CAST: variants seen among roughly 807,000 people sequenced by gnomAD.
The protein encoded by CAST is calpastatin.
A neutral mutation model predicts 119.6 loss-of-function variants in CAST; 76 were observed. That is an observed-to-expected ratio of 0.64 (90% CI 0.53 to 0.77). CAST has a LOEUF of 0.77. Ranked by LOEUF, CAST falls within the 30% of genes least tolerant of loss-of-function variation. The pLI, the probability that CAST is intolerant of heterozygous loss-of-function variation, is 0.00. For synonymous variants in CAST, 319 were observed against 331.6 expected, an observed-to-expected ratio of 0.96 and a Z score of 0.41; for missense variants, 953 against 946.5, an observed-to-expected ratio of 1.01 and a Z score of -0.09.
the CAST span, among the ~76,000 whole-genome samples, chr5:96,334,311 A>G: frequency 1.3e-5 from 2 of 152,192 alleles, no homozygotes; most frequent in Non-Finnish European, 2.9e-5. Flanking sequence ...TATCACAGTC[A>G]CTGCTTAGTT....
At chr5:96,160,564 T>C in the CAST span, among the ~76,000 whole-genome samples, 1 of 152,252 alleles carries the variant, frequency 6.6e-6, no homozygotes, top group Admixed American at 6.5e-5. Flanking sequence ...ATACTGCTGC[T>C]GTAAACATTA....
At chr5:96,163,718 G>A in the CAST span, among the ~76,000 whole-genome samples, 2 of 152,148 alleles carry the variant, frequency 1.3e-5, no homozygotes, top group African/African-American at 4.8e-5. Context: ...AGTATTCATG[G>A]CCATTACTGG....
the CAST span, among the ~76,000 whole-genome samples, chr5:95,988,791 G>T: frequency 6.6e-5 from 10 of 152,228 alleles, no homozygotes; most frequent in South Asian, 8.3e-4. Context: ...AAACTCTTTA[G>T]AATAGAATCT....
At chr5:96,327,650 G>C in the CAST span, among the ~76,000 whole-genome samples, 1 of 152,188 alleles carries the variant, frequency 6.6e-6, no homozygotes, top group African/African-American at 2.4e-5. Flanking sequence ...GAGACATCTT[G>C]GGTTAGCACA....
the CAST span, among the ~76,000 whole-genome samples, chr5:96,302,261 A>G: frequency 6.6e-6 from 1 of 152,288 alleles, no homozygotes; most frequent in Middle Eastern, 3.4e-3. Flanking sequence ...GCTGCAAAGA[A>G]CAGCAGGGCA....
At chr5:96,091,727 A>C in the CAST span, among the ~76,000 whole-genome samples, 3 of 150,546 alleles carry the variant, frequency 2.0e-5, no homozygotes, top group South Asian at 6.3e-4. Context: ...ACTAGTCTCA[A>C]GCTCCTGGAC....
upstream of CAST, among the ~76,000 whole-genome samples, chr5:96,658,137 T>C (rs575444452): frequency 8.5e-4 from 129 of 152,176 alleles, 2 homozygotes; most frequent in African/African-American, 3.0e-3. Flanking sequence ...GTTTTCTGTG[T>C]TGCCTCCAGA....
the CAST span, among the ~76,000 whole-genome samples, chr5:96,079,957 T>C: frequency 6.6e-6 from 1 of 152,096 alleles, no homozygotes; most frequent in Non-Finnish European, 1.5e-5. Flanking sequence ...TGAAAAGCCT[T>C]ATATATACAT....
At chr5:95,966,598 G>A in the CAST span, among the ~76,000 whole-genome samples, 43 of 152,192 alleles carry the variant, frequency 2.8e-4, no homozygotes, top group Admixed American at 9.2e-4. Context: ...TGATTTGGAA[G>A]TAAGGAAAGT....
At chr5:96,425,044 G>GAAAA in the CAST span, among the ~76,000 whole-genome samples, 20 of 127,180 alleles carry the variant, frequency 1.6e-4, no homozygotes, top group South Asian at 5.9e-4. Flanking sequence ...AAGAAAGAAA[G>GAAAA]AAAGAAAGAA....
the CAST span, chr5:96,392,290 A>G: frequency 6.6e-6 from 1 of 152,226 alleles, no homozygotes; most frequent in African/African-American, 2.4e-5. Context: ...AAGACCAGGC[A>G]TGCAGCACGA....
Position 96,772,542 on chromosome 5 carries a change from T to A in CAST, c.*24-98T>A, listed in dbSNP as rs149231398. 7 of 152,876 alleles carry A rather than the reference T, an allele frequency of 4.6e-5. 1 individual carries two copies. The highest frequency in any genetic ancestry group is 1.7e-4 in the African/African-American group (7 of 41,586). 9.5% of individuals were successfully genotyped at this position (152,876 alleles called of 1,614,324 possible). A position where few individuals can be genotyped will look rare whatever the true frequency, so the allele number is the denominator to read the frequency against. On this transcript the variant is annotated intron_variant, in intron 31 of 31. Coordinates refer to ENST00000675179, the MANE Select transcript of CAST (RefSeq NM_001750.7). Reference sequence around the variant, plus strand: ...ACTTATAGGAAATTCCTTCTGTCTGTTATACAATGCTTTTGCTAAGTGGTA... The same window carrying A: ...ACTTATAGGAAATTCCTTCTGTCTGATATACAATGCTTTTGCTAAGTGGTA...
chr5:96,700,026 C>T (rs943913335), intron 3 of CAST, among the ~76,000 whole-genome samples: 4 of 152,172 alleles, frequency 2.6e-5, no homozygotes, highest in African/African-American at 9.7e-5. Context: ...CCATAAATAG[C>T]TGTGCTGACT....
the CAST span, among the ~76,000 whole-genome samples, chr5:96,383,127 TG>T: frequency 6.6e-6 from 1 of 152,180 alleles, no homozygotes; most frequent in African/African-American, 2.4e-5. Flanking sequence ...ATAAACACTA[TG>T]TAGACACATA....
chr5:96,556,188 T>A (rs548887493), intron 1 of CAST, among the ~76,000 whole-genome samples: 33 of 152,140 alleles, frequency 2.2e-4, no homozygotes, highest in Non-Finnish European at 4.3e-4. Context: ...AGAAAGGACA[T>A]CCACACCAAA....
the CAST span, among the ~76,000 whole-genome samples, chr5:96,467,734 G>T: frequency 1.3e-5 from 2 of 151,546 alleles, no homozygotes; most frequent in Admixed American, 6.6e-5. Context: ...AAAAACAATA[G>T]CTGTTGGCGT....
At chr5:96,380,842 T>C in the CAST span, among the ~76,000 whole-genome samples, 1 of 152,218 alleles carries the variant, frequency 6.6e-6, no homozygotes. Context: ...CAAATAGCAA[T>C]GCTTGGGGGT....
chr5:96,455,958 A>T, the CAST span, among the ~76,000 whole-genome samples: 1 of 152,176 alleles, frequency 6.6e-6, no homozygotes, highest in Non-Finnish European at 1.5e-5. Context: ...GGCCTTCAAC[A>T]TGTGTTGCTG....
At chr5:96,500,884 A>G in the CAST span, among the ~76,000 whole-genome samples, 1 of 152,248 alleles carries the variant, frequency 6.6e-6, no homozygotes, top group Non-Finnish European at 1.5e-5. Context: ...TATATTTTAA[A>G]GAACAATGTC....
Sources: allele counts gnomAD v4.1 joint callset (sites outside exome capture counted in the v4.1 genomes callset), GRCh38; gene constraint gnomAD v4.1.1; transcripts MANE v1.5; gene names NCBI Gene and HGNC (gene_info 2026-07-23, HGNC 2026-07-21).